Variants in GAREM1 observed in about 807,000 individuals in gnomAD.
The protein encoded by GAREM1 is GRB2-associated and regulator of MAPK protein 1.
GAREM1 carries 26 observed loss-of-function variants against 71.3 expected under a neutral mutation model. The ratio of observed to expected loss-of-function variants is 0.36; its 90% CI spans 0.27 to 0.51. The LOEUF is 0.51. Ranked by LOEUF, GAREM1 falls within the 20% of genes least tolerant of loss-of-function variation. The pLI, the probability that GAREM1 is intolerant of heterozygous loss-of-function variation, is 0.95. For synonymous variants in GAREM1, 440 were observed against 433.2 expected, an observed-to-expected ratio of 1.02 and a Z score of -0.20; for missense variants, 1,026 against 1,103.1, an observed-to-expected ratio of 0.93 and a Z score of 0.99.
intron 1 of GAREM1, among the ~76,000 whole-genome samples, chr18:32,460,115 T>TAA (rs35244955): frequency 2.2e-5 from 3 of 133,428 alleles, no homozygotes; most frequent in Admixed American, 7.6e-5. Context: ...TCATCTTATT[T>TAA]AAAAAAAAAA....
chr18:32,329,943 T>A (rs545977700), intron 2 of GAREM1, among the ~76,000 whole-genome samples: 2 of 152,234 alleles, frequency 1.3e-5, no homozygotes, highest in South Asian at 4.2e-4. Context: ...AGGACATTTG[T>A]GGCAGCATCA....
chr18:32,352,335 G>C (rs1406240225), intron 2 of GAREM1, among the ~76,000 whole-genome samples: 1 of 152,196 alleles, frequency 6.6e-6, no homozygotes, highest in African/African-American at 2.4e-5. Flanking sequence ...AATGCATCCC[G>C]TGGCCAGCGA....
rs549398933 is a variant in GAREM1 at position 32,303,842 on chromosome 18, G to A, written c.393+6351C>T. ...AGGCTGAAGCAGGAGGATCACTTGC[G>A]CCCAGGAGTTCAAGGCTGCAATGAG... On this transcript the variant is annotated intron_variant, in intron 3 of 5. Coordinates refer to ENST00000269209, the MANE Select transcript of GAREM1 (RefSeq NM_001242409.2). Among the ~76,000 whole-genome samples, 66 of 152,094 alleles carry A rather than the reference G, an allele frequency of 4.3e-4. No individual in the cohort carries two copies. The South Asian group carries it at 0.012, about 27-fold the overall frequency.
At chr18:32,380,854 T>C (rs573175249) in intron 2 of GAREM1, among the ~76,000 whole-genome samples, 1 of 152,110 alleles carries the variant, frequency 6.6e-6, no homozygotes, top group South Asian at 2.1e-4. Flanking sequence ...GGTAAGAGAG[T>C]TAAAAACTGT....
chr18:32,453,570 T>C (rs570206415), intron 1 of GAREM1, among the ~76,000 whole-genome samples: 7 of 152,246 alleles, frequency 4.6e-5, no homozygotes, highest in African/African-American at 1.7e-4. Context: ...CAACCATCGT[T>C]ACCCTGCCTC....
chr18:32,470,261 A>C lies in GAREM1; in HGVS notation c.121+47T>G. 1 of 1,435,244 alleles carries C rather than the reference A, an allele frequency of 7.0e-7. No individual in the cohort carries two copies. Among genetic ancestry groups the C allele is most frequent in the South Asian group, 1.4e-5 (1 of 72,894 alleles). 88.9% of individuals were successfully genotyped at this position (1,435,244 alleles called of 1,614,324 possible). A position where few individuals can be genotyped will look rare whatever the true frequency, so the allele number is the denominator to read the frequency against. On this transcript the variant is annotated intron_variant, in intron 1 of 5. Coordinates refer to ENST00000269209, the MANE Select transcript of GAREM1 (RefSeq NM_001242409.2). This position sits in a 1 kb window ranked among gnomAD's most constrained non-coding sequence, Gnocchi z 4.4. ...AGCACACGCGCGCACACCCGCGTGG[A>C]GACGGCTGTCCTCGCCCGTCTGCCC...
chr18:32,286,612 A>C (rs1282251155), intron 4 of GAREM1, among the ~76,000 whole-genome samples: 1 of 152,116 alleles, frequency 6.6e-6, no homozygotes, highest in East Asian at 1.9e-4. Context: ...ACTCACAAGT[A>C]AATATTGTTG....
intron 2 of GAREM1, among the ~76,000 whole-genome samples, chr18:32,390,524 T>C (rs1000610334): frequency 9.2e-5 from 14 of 152,228 alleles, no homozygotes; most frequent in African/African-American, 3.4e-4. Context: ...TTATGTTGAA[T>C]GATGTGATCT....
chr18:32,361,207 T>C (rs2047861842), intron 2 of GAREM1, among the ~76,000 whole-genome samples: 1 of 152,178 alleles, frequency 6.6e-6, no homozygotes, highest in African/African-American at 2.4e-5. Context: ...GGGGATCACC[T>C]ACAGATAATC....
rs188466244 is a variant in GAREM1, at chr18:32,294,137, G to A, written c.394-5934C>T. ...AATCAGGACTATAAATAAAAGTATC[G>A]TTATCACTGCTAATATTCCTGAATA... On this transcript the variant is annotated intron_variant, in intron 3 of 5. Transcript: ENST00000269209. Among the ~76,000 whole-genome samples, 195 of 152,232 alleles carry A rather than the reference G, an allele frequency of 1.3e-3. 1 individual carries two copies. The Middle Eastern group carries it at 0.014, about 11-fold the overall frequency.
At chr18:32,391,347 A>C (rs2048195987) in intron 2 of GAREM1, among the ~76,000 whole-genome samples, 2 of 152,198 alleles carry the variant, frequency 1.3e-5, no homozygotes, top group Non-Finnish European at 2.9e-5. Flanking sequence ...AGCATTCAAC[A>C]ACAAGTCAAA....
At chr18:32,447,437 G>C (rs2144285742) in intron 1 of GAREM1, among the ~76,000 whole-genome samples, 1 of 151,956 alleles carries the variant, frequency 6.6e-6, no homozygotes, top group South Asian at 2.1e-4. Flanking sequence ...CAGTCCTATG[G>C]GCATACACTC....
At chr18:32,355,393 G>A (rs907206011) in intron 2 of GAREM1, among the ~76,000 whole-genome samples, 6 of 151,916 alleles carry the variant, frequency 3.9e-5, no homozygotes, top group African/African-American at 1.5e-4. Flanking sequence ...ATTTGGAGTC[G>A]ATGCATTTTT....
chr18:32,273,435 C>T (rs1341878108), intron 4 of GAREM1, among the ~76,000 whole-genome samples: 2 of 152,222 alleles, frequency 1.3e-5, no homozygotes, highest in Non-Finnish European at 2.9e-5. Flanking sequence ...CTCCCCTCTT[C>T]CTGTACTTAT....
intron 2 of GAREM1, among the ~76,000 whole-genome samples, chr18:32,351,791 G>A: frequency 6.6e-6 from 1 of 151,556 alleles, no homozygotes. Context: ...TTGATACCAA[G>A]GTTTAGGCCT....
At chr18:32,434,987 C>A (rs559237672) in intron 1 of GAREM1, among the ~76,000 whole-genome samples, 1 of 152,242 alleles carries the variant, frequency 6.6e-6, no homozygotes, top group South Asian at 2.1e-4. Context: ...GTATCCCTAA[C>A]ACAATGCACC....
At chr18:32,278,304 A>C (rs2041569030) in intron 4 of GAREM1, among the ~76,000 whole-genome samples, 1 of 152,176 alleles carries the variant, frequency 6.6e-6, no homozygotes, top group African/African-American at 2.4e-5. Context: ...TCTAGAATCA[A>C]CTGTCACATG....
intron 2 of GAREM1, among the ~76,000 whole-genome samples, chr18:32,344,275 C>A (rs191464256): frequency 1.6e-3 from 244 of 152,276 alleles, no homozygotes; most frequent in African/African-American, 5.8e-3. Context: ...CTGTTGAAAT[C>A]TGGTCCTGAA....
chr18:32,391,287 G>A (rs1201727229), intron 2 of GAREM1, among the ~76,000 whole-genome samples: 2 of 152,094 alleles, frequency 1.3e-5, no homozygotes, highest in Non-Finnish European at 1.5e-5. Context: ...TTCACTCTTC[G>A]GAATAGAAAA....
Sources: gnomAD v4.1 joint callset for allele counts (sites outside exome capture counted in the v4.1 genomes callset) on GRCh38, gnomAD v4.1.1 for gene constraint, Gnocchi (gnomAD v3.1) non-coding constraint, MANE v1.5 for transcripts, NCBI Gene and HGNC (gene_info 2026-07-23, HGNC 2026-07-21) for gene names.